The following TG variants were observed in gnomAD, a reference collection of about 807,000 sequenced individuals.
The protein encoded by TG is thyroid hormones.
Under a neutral mutation model 324.7 loss-of-function variants are expected in TG, and 270 were observed. The observed-to-expected ratio is 0.83, with a 90% CI of 0.75 to 0.92. TG has a LOEUF of 0.92. Among genes scored for constraint, TG ranks in the 40% least tolerant of loss-of-function variants. The probability of loss-of-function intolerance (pLI) is 0.00; values close to 1 mark genes in which losing one functional copy is unlikely to be tolerated. For synonymous variants in TG, 1,401 were observed against 1,327.0 expected (o/e 1.06, Z -1.21); for missense variants, 3,591 against 3,456.4 (o/e 1.04, Z -0.98).
chr8:132,886,142 CA>C (rs975198234), intron 8 of TG, among the ~76,000 whole-genome samples: 1 of 152,096 alleles, frequency 6.6e-6, no homozygotes, highest in African/African-American at 2.4e-5. Context: ...GTACCATTGG[CA>C]AGTGAGGTCA....
chr8:133,037,706 A>G (rs555888852), intron 41 of TG: 1 of 152,154 alleles, frequency 6.6e-6, no homozygotes, highest in South Asian at 2.1e-4. Flanking sequence ...CGGGCAATAA[A>G]TGAATACTTG....
At chr8:133,132,168 G>T (rs769207813) in intron 46 of TG, among the ~76,000 whole-genome samples, 1 of 152,224 alleles carries the variant, frequency 6.6e-6, no homozygotes, top group Non-Finnish European at 1.5e-5. Context: ...TATACCAGCT[G>T]CATTTGATGA....
At chr8:133,083,477 C>T (rs1846047624) in intron 41 of TG, among the ~76,000 whole-genome samples, 1 of 152,168 alleles carries the variant, frequency 6.6e-6, no homozygotes, top group African/African-American at 2.4e-5. Flanking sequence ...TTCCTAAGAA[C>T]ACACAGCTGG....
intron 43 of TG, among the ~76,000 whole-genome samples, chr8:133,104,459 G>A (rs1849616316): frequency 2.0e-5 from 3 of 152,140 alleles, no homozygotes; most frequent in Non-Finnish European, 4.4e-5. Context: ...CTTAAATTAG[G>A]GTTGCAGACA....
intron 41 of TG, chr8:133,045,000 C>T (rs1839039974): frequency 1.2e-6 from 2 of 1,614,106 alleles, no homozygotes; most frequent in Non-Finnish European, 1.7e-6. Flanking sequence ...AGTGGTTCAC[C>T]AGGTCCTCCA....
In TG at chr8:132,968,283, A is replaced by G. The variant is rs911554012; in HGVS notation, c.5863+313A>G. Among the ~76,000 whole-genome samples the G allele has an allele frequency of 7.2e-5, 11 of 152,254 alleles. 1 individual carries two copies. The highest frequency in any genetic ancestry group is 2.9e-5 in the Non-Finnish European group (2 of 68,048). On this transcript the variant is annotated intron_variant, in intron 31 of 47. Transcript: ENST00000220616. ...AAAACTAATTTATTCTTCTTTTAAA[A>G]GTAAAGTTATTCATGTTCCTTGTAG...
chr8:132,949,765 A>G (rs1825844373), intron 27 of TG, among the ~76,000 whole-genome samples: 1 of 152,182 alleles, frequency 6.6e-6, no homozygotes, highest in Non-Finnish European at 1.5e-5. Context: ...GTGAGGCTGC[A>G]TCTCTGCGAT....
chr8:132,998,784 G>T (rs1833143470), intron 35 of TG, among the ~76,000 whole-genome samples: 1 of 152,238 alleles, frequency 6.6e-6, no homozygotes, highest in Non-Finnish European at 1.5e-5. Flanking sequence ...GCCTTGGCAG[G>T]GTTTGGGGTG....
chr8:132,933,695 G>T lies in TG; in HGVS notation c.4932+19G>T, dbSNP rs201411777. The T allele has an allele frequency of 4.7e-4, 754 of 1,605,718 alleles. No homozygotes were observed. Among genetic ancestry groups the T allele is most frequent in the Non-Finnish European group, 5.9e-4 (695 of 1,172,288 alleles). On this transcript the variant is annotated intron_variant, in intron 24 of 47. Coordinates refer to ENST00000220616, the MANE Select transcript of TG (RefSeq NM_003235.5). Reference sequence around the variant, plus strand: ...TGACCAGGTGAGGTGGGGCAGCCACGTGTGGTTCTGCTCCTCATCCGCTGT... The same window carrying T: ...TGACCAGGTGAGGTGGGGCAGCCACTTGTGGTTCTGCTCCTCATCCGCTGT...
Position 132,947,897 on chromosome 8 carries a change from T to C in TG, c.5234-879T>C, listed in dbSNP as rs527313406. ...TGTGAGTTACTTGAATGTATCCAGC[T>C]AAAATCACTATCAAATTCGATTACC... is the stretch of plus-strand genomic sequence containing the variant. On this transcript the variant is annotated intron_variant, in intron 26 of 47. Transcript: ENST00000220616. Among the ~76,000 whole-genome samples the C allele has an allele frequency of 9.2e-5, 14 of 152,360 alleles. No individual in the cohort carries two copies. The South Asian group carries it at 2.9e-3, about 32-fold the overall frequency.
chr8:132,883,528 A>G (rs1398789627), intron 8 of TG, among the ~76,000 whole-genome samples: 1 of 152,162 alleles, frequency 6.6e-6, no homozygotes, highest in Non-Finnish European at 1.5e-5. Flanking sequence ...TGCAAGAAGG[A>G]TAGAGAAAAA....
intron 13 of TG, 47 bp downstream of exon 13, chr8:132,898,293 A>T: frequency 6.5e-7 from 1 of 1,531,646 alleles, no homozygotes; most frequent in Non-Finnish European, 8.9e-7. Context: ...CTTGGTGGGC[A>T]TCACTGGTCT....
chr8:133,103,575 C>A (rs543284306), intron 43 of TG, among the ~76,000 whole-genome samples: 1 of 152,256 alleles, frequency 6.6e-6, no homozygotes, highest in Non-Finnish European at 1.5e-5. Flanking sequence ...AGGCTGGATT[C>A]ATTATTACAT....
intron 43 of TG, among the ~76,000 whole-genome samples, chr8:133,100,893 G>A (rs16904832): frequency 0.22 from 33,156 of 152,090 alleles, 3,748 homozygotes; most frequent in African/African-American, 0.26. Flanking sequence ...AGTAACTCAT[G>A]CTCTTACTTT....
In TG at chr8:132,887,267, T is replaced by C; in HGVS notation, c.1895T>C (p.Phe632Ser). 3 of 1,602,136 alleles carry C rather than the reference T, an allele frequency of 1.9e-6. No homozygotes were observed. Among genetic ancestry groups the C allele is most frequent in the Non-Finnish European group, 2.6e-6 (3 of 1,173,078 alleles). The change falls in exon 9 of 48, where the codon TTT becomes TCT. Residue 632 changes from phenylalanine to serine, a missense_variant. By Grantham distance (155) the Phe-to-Ser change is radical. Coordinates refer to ENST00000220616, the MANE Select transcript of TG (RefSeq NM_003235.5). ...TEGSYEDVQC[F>S]SGECWCVNSW... ...GGAAGCTATGAGGATGTCCAATGCT[T>C]TTCCGGAGAGTGCTGGTGTGTGAAT...
chr8:132,898,169 G>T lies in TG; in HGVS notation c.3140G>T (p.Gly1047Val), dbSNP rs1326153199. 5 of 1,599,720 alleles carry T rather than the reference G, an allele frequency of 3.1e-6. No homozygotes were observed. Among genetic ancestry groups the T allele is most frequent in the African/African-American group, 1.3e-5 (1 of 74,800 alleles). Residue 1047 changes from glycine to valine, a missense_variant and splice_region_variant, in exon 13 of 48, where the codon GGG becomes GTG. Gly to Val is a moderately radical substitution (Grantham distance 109, BLOSUM62 -3). Transcript: ENST00000220616. ...WEPVQCHAGT[G>V]HCWCVDEKGG... ...TGTTCTCCCCTTGGCTCTTTTCCAG[G>T]GCACTGCTGGTGTGTAGATGAGAAA...
At chr8:133,049,877 G>C in intron 41 of TG, 1 of 1,434,656 alleles carries the variant, frequency 7.0e-7, no homozygotes, top group Non-Finnish European at 9.8e-7. Context: ...ATGCTTAATT[G>C]CTGCCATTTG....
At chr8:133,096,787 C>T (rs1339434474) in intron 43 of TG, among the ~76,000 whole-genome samples, 1 of 152,220 alleles carries the variant, frequency 6.6e-6, no homozygotes. Context: ...GAAAAAGACA[C>T]TGAAGCACCA....
Position 132,893,900 on chromosome 8 carries a change from A to G in TG, c.2972A>G (p.Asp991Gly), listed in dbSNP as rs1317469310. 1 of 1,613,952 alleles carries G rather than the reference A, an allele frequency of 6.2e-7. No homozygotes were observed. The highest frequency in any genetic ancestry group is 1.7e-5 in the Admixed American group (1 of 60,006). ...GCGGAGCAGTTTCTGCGTGGGAGTG[A>G]TTACGCCATTCGCCTGGCGGCTCAG... Reference protein sequence around the residue: ...AFAEQFLRGSDYAIRLAAQST... With the variant: ...AFAEQFLRGSGYAIRLAAQST... The change falls in exon 11 of 48, where the codon GAT becomes GGT. Residue 991 changes from aspartate to glycine, a missense_variant. Transcript: ENST00000220616.
Sources: gnomAD v4.1 joint callset for allele counts (sites outside exome capture counted in the v4.1 genomes callset) on GRCh38, gnomAD v4.1.1 for gene constraint, MANE v1.5 for transcripts, NCBI Gene and HGNC (gene_info 2026-07-23, HGNC 2026-07-21) for gene names.